The following TBC1D5 variants were observed in gnomAD, a reference collection of about 807,000 sequenced individuals.
The protein encoded by TBC1D5 is TBC1 domain family, member 5.
In TBC1D5, 75 loss-of-function variants were observed where a neutral mutation model predicts 100.3. The observed-to-expected ratio is 0.75, with a 90% CI of 0.62 to 0.91. The LOEUF is 0.91. Ranked by LOEUF, TBC1D5 falls within the 40% of genes least tolerant of loss-of-function variation. The pLI is 0.00. For synonymous variants in TBC1D5, 323 were observed against 325.6 expected, an observed-to-expected ratio of 0.99 and a Z score of 0.09; for missense variants, 910 against 942.4, an observed-to-expected ratio of 0.97 and a Z score of 0.45.
intron 3 of TBC1D5, among the ~76,000 whole-genome samples, chr3:17,507,362 A>T (rs888530236): frequency 8.5e-5 from 13 of 152,162 alleles, no homozygotes; most frequent in Admixed American, 7.9e-4. Flanking sequence ...ATAAAAATTT[A>T]AAAATTAAAT....
intron 16 of TBC1D5, among the ~76,000 whole-genome samples, chr3:17,254,985 T>C (rs2149362457): frequency 6.6e-6 from 1 of 152,254 alleles, no homozygotes; most frequent in East Asian, 1.9e-4. Flanking sequence ...TTAAGCTACA[T>C]GTGGGACATC....
At chr3:17,493,825 GTA>G (rs1458350454) in intron 3 of TBC1D5, among the ~76,000 whole-genome samples, 3 of 152,106 alleles carry the variant, frequency 2.0e-5, no homozygotes, top group Non-Finnish European at 4.4e-5. Context: ...AACAACTCCT[GTA>G]ATATTTTATC....
chr3:17,425,343 CAG>C (rs1356382709), intron 4 of TBC1D5, among the ~76,000 whole-genome samples: 3 of 152,120 alleles, frequency 2.0e-5, no homozygotes, highest in African/African-American at 7.2e-5. Context: ...TTTTAAAAAA[CAG>C]ACCAGGTGAA....
chr3:17,692,492 A>G (rs114224495), intron 1 of TBC1D5, among the ~76,000 whole-genome samples: 1,786 of 152,334 alleles, frequency 0.012, 36 homozygotes, highest in African/African-American at 0.04. Context: ...AAAGACACAG[A>G]AAAAAACTAT....
intron 4 of TBC1D5, among the ~76,000 whole-genome samples, chr3:17,420,432 T>C (rs931947064): frequency 2.6e-5 from 4 of 152,036 alleles, no homozygotes; most frequent in African/African-American, 4.8e-5. Context: ...GTTTATGAAA[T>C]AGACAATCAG....
intron 2 of TBC1D5, among the ~76,000 whole-genome samples, chr3:17,513,429 A>C (rs1197353874): frequency 6.6e-6 from 1 of 152,160 alleles, no homozygotes; most frequent in East Asian, 1.9e-4. Flanking sequence ...TAGTTTAATA[A>C]TATTTTCTCT....
chr3:17,163,920 G>A (rs2066335583), intron 21 of TBC1D5, among the ~76,000 whole-genome samples: 1 of 152,192 alleles, frequency 6.6e-6, no homozygotes, highest in African/African-American at 2.4e-5. Flanking sequence ...GGGGACCCAA[G>A]TACCAAAAGG....
chr3:17,346,397 C>T (rs190873793), intron 13 of TBC1D5, among the ~76,000 whole-genome samples: 6 of 152,180 alleles, frequency 3.9e-5, no homozygotes, highest in Admixed American at 2.6e-4. Context: ...CATACACATA[C>T]ATCTAAAACT....
intron 14 of TBC1D5, among the ~76,000 whole-genome samples, chr3:17,306,349 C>T (rs1199068880): frequency 6.6e-6 from 1 of 152,184 alleles, no homozygotes; most frequent in Non-Finnish European, 1.5e-5. Flanking sequence ...AGGACAGGAG[C>T]AGTGATCTGT....
chr3:17,525,919 G>A (rs926364345), intron 2 of TBC1D5, among the ~76,000 whole-genome samples: 2 of 151,982 alleles, frequency 1.3e-5, no homozygotes, highest in Non-Finnish European at 2.9e-5. Flanking sequence ...AAATATATCC[G>A]TCGGAACAGA....
At chr3:17,655,109 C>G (rs2065933220) in intron 1 of TBC1D5, among the ~76,000 whole-genome samples, 1 of 151,532 alleles carries the variant, frequency 6.6e-6, no homozygotes, top group Non-Finnish European at 1.5e-5. Context: ...TTCAAAAAAC[C>G]AGCTCCTGGA....
At chr3:17,703,282 T>C (rs1372157569) in intron 1 of TBC1D5, among the ~76,000 whole-genome samples, 2 of 151,242 alleles carry the variant, frequency 1.3e-5, no homozygotes, top group African/African-American at 2.4e-5. Context: ...GTCTTTTCTG[T>C]GGAGAAAAAA....
At chr3:17,446,767 T>C (rs2149638662) in intron 3 of TBC1D5, among the ~76,000 whole-genome samples, 1 of 152,176 alleles carries the variant, frequency 6.6e-6, no homozygotes, top group Admixed American at 6.5e-5. Context: ...GTCAGGAGAT[T>C]GAGACCATCC....
At chr3:17,465,270 C>A (rs2095283071) in intron 3 of TBC1D5, 2 of 160,930 alleles carry the variant, frequency 1.2e-5, no homozygotes, top group South Asian at 3.5e-4. Flanking sequence ...ATCAGGCACT[C>A]AAAGAGATCT....
chr3:17,714,458 A>G (rs117321181), intron 1 of TBC1D5, among the ~76,000 whole-genome samples: 2,558 of 152,326 alleles, frequency 0.017, 53 homozygotes, highest in South Asian at 0.055. Context: ...GGCTCAGTGC[A>G]AGCCTGGCTA....
At chr3:17,403,564 C>T (rs1176061598) in intron 7 of TBC1D5, among the ~76,000 whole-genome samples, 2 of 151,806 alleles carry the variant, frequency 1.3e-5, no homozygotes, top group Non-Finnish European at 2.9e-5. Flanking sequence ...AGCAATACAA[C>T]AATAAAAAAA....
chr3:17,581,550 G>T (rs1459161758), intron 2 of TBC1D5, among the ~76,000 whole-genome samples: 2 of 152,044 alleles, frequency 1.3e-5, no homozygotes, highest in Non-Finnish European at 2.9e-5. Flanking sequence ...TATCTTTTCT[G>T]TTATTCAGGC....
At chr3:17,688,485 A>AT (rs1432627020) in intron 1 of TBC1D5, among the ~76,000 whole-genome samples, 1 of 152,234 alleles carries the variant, frequency 6.6e-6, no homozygotes, top group Non-Finnish European at 1.5e-5. Context: ...CCACCTTAGA[A>AT]AAGTGGTTAG....
intron 3 of TBC1D5, among the ~76,000 whole-genome samples, chr3:17,462,411 T>G (rs193188591): frequency 6.7e-6 from 1 of 149,284 alleles, no homozygotes; most frequent in East Asian, 2.0e-4. Context: ...AGCCTCAAAC[T>G]CCCAGGCTCA....
Sources: gnomAD v4.1 joint callset for allele counts (sites outside exome capture counted in the v4.1 genomes callset) on GRCh38, gnomAD v4.1.1 for gene constraint, MANE v1.5 for transcripts, NCBI Gene and HGNC (gene_info 2026-07-23, HGNC 2026-07-21) for gene names.